The following TKTL1 variants were observed in gnomAD, a reference collection of about 807,000 sequenced individuals.
The protein encoded by TKTL1 is transketolase like 1, also known as transketolase-like protein 1.
In TKTL1, 1 loss-of-function variant was observed where a neutral mutation model predicts 39.3. The observed-to-expected ratio is 0.03, with a 90% CI of 0.01 to 0.12. The LOEUF is 0.12. Ranked by LOEUF, TKTL1 falls within the 10% of genes least tolerant of loss-of-function variation. TKTL1 has a pLI of 1.00. For synonymous variants in TKTL1, 262 were observed against 193.8 expected, an observed-to-expected ratio of 1.35 and a Z score of -2.92; for missense variants, 575 against 509.6, an observed-to-expected ratio of 1.13 and a Z score of -1.24.
chrX:154,306,304 A>C (rs1235085242), intron 2 of TKTL1, among the ~76,000 whole-genome samples: 2 of 111,895 alleles, frequency 1.8e-5, no homozygotes, highest in Non-Finnish European at 3.8e-5. Flanking sequence ...GCAAGACTCC[A>C]TCTCAAAAGA....
intron 1 of TKTL1, among the ~76,000 whole-genome samples, chrX:154,297,372 C>T (rs1557164858): frequency 9.0e-6 from 1 of 110,661 alleles, no homozygotes; most frequent in Non-Finnish European, 1.9e-5. Context: ...TCTCCTGCCT[C>T]AGCCTCCGGA....
At position 154,315,311 on chromosome X, in the gene TKTL1, G is replaced by A. The variant is rs782353315; in HGVS notation, c.1003G>A (p.Glu335Lys). Residue 335 changes from glutamate (E) to lysine (K), a missense_variant, in exon 7 of 13, where the codon GAG becomes AAG. Physicochemically the swap from Glu to Lys is moderately conservative, Grantham distance 56. Coordinates refer to ENST00000369915, the MANE Select transcript of TKTL1 (RefSeq NM_012253.4). ...CAAGGAGTACCCTGAGCGCTTCATC[G>A]AGTGCTTTATGGCTGAACAAAACAT... ...FNKEYPERFI[E>K]CFMAEQNMVS... 2.5e-5 allele frequency: 30 copies of A among 1,209,064 alleles called. No individual in the cohort carries two copies. The highest frequency in any genetic ancestry group is 5.3e-5 in the South Asian group (3 of 56,726).
At chrX:154,321,834 C>T (rs2067453677) in intron 8 of TKTL1, among the ~76,000 whole-genome samples, 1 of 108,515 alleles carries the variant, frequency 9.2e-6, no homozygotes, top group Admixed American at 1.0e-4. Flanking sequence ...AGAGTCACGG[C>T]TGTCTGGGTG....
At chrX:154,323,626 T>C (rs2067470089) in intron 9 of TKTL1, among the ~76,000 whole-genome samples, 1 of 111,738 alleles carries the variant, frequency 8.9e-6, no homozygotes, top group Non-Finnish European at 1.9e-5. Context: ...AGAAGGTGTT[T>C]AACAAAGGGT....
intron 11 of TKTL1, 43 bp from the exon 12 acceptor site, chrX:154,327,796 T>C: frequency 8.3e-7 from 1 of 1,209,966 alleles, no homozygotes; most frequent in Non-Finnish European, 1.1e-6. Context: ...CATGTTATTC[T>C]GAGTCTCTTT....
chrX:154,323,065 C>A, intron 8 of TKTL1, 142 bp from the exon 9 acceptor site: 1 of 713,825 alleles, frequency 1.4e-6, no homozygotes, highest in Non-Finnish European at 2.1e-6. Context: ...GAGGATGCAG[C>A]GGGACCATTT....
rs1557168560 is a variant in TKTL1, at chrX:154,312,568, G to A, written c.671-12G>A. Reference sequence around the variant, plus strand: ...TTTATGGAATGGATGTCTTTTGTTTGTTTCATTACAGGTATTGAGGATGCA... The same window carrying A: ...TTTATGGAATGGATGTCTTTTGTTTATTTCATTACAGGTATTGAGGATGCA... On this transcript the variant is annotated splice_polypyrimidine_tract_variant and intron_variant, in intron 5 of 12. Coordinates refer to ENST00000369915, the MANE Select transcript of TKTL1 (RefSeq NM_012253.4). The A allele has an allele frequency of 8.3e-7, 1 of 1,198,890 alleles. No homozygotes were observed. Among genetic ancestry groups the A allele is most frequent in the Admixed American group, 2.2e-5 (1 of 44,465 alleles).
intron 1 of TKTL1, among the ~76,000 whole-genome samples, chrX:154,303,041 T>C (rs1449150066): frequency 9.0e-6 from 1 of 111,077 alleles, no homozygotes; most frequent in African/African-American, 3.3e-5. Flanking sequence ...CAACTCACCC[T>C]GGCAGGCTTA....
At chrX:154,297,851 A>T (rs1488097541) in intron 1 of TKTL1, among the ~76,000 whole-genome samples, 1 of 111,818 alleles carries the variant, frequency 8.9e-6, no homozygotes. Context: ...TTTGCAGTGA[A>T]CTAAGATTGT....
intron 7 of TKTL1, among the ~76,000 whole-genome samples, chrX:154,315,782 CACTT>C (rs1557169260): frequency 8.9e-6 from 1 of 112,335 alleles, no homozygotes; most frequent in Admixed American, 9.4e-5. Flanking sequence ...GCAAATGTTG[CACTT>C]ACTTCAATCA....
Position 154,330,137 on chromosome X carries a change from G to T in TKTL1, c.*449G>T, listed in dbSNP as rs782329603. The stretch of plus-strand genomic sequence containing the variant: ...AGTTTCCACAGCACGATAACACCAT[G>T]ACGCCTACTGCTGTTCCCACCTTGG... On this transcript the variant is annotated 3_prime_UTR_variant, in exon 13 of 13. Coordinates refer to ENST00000369915, the MANE Select transcript of TKTL1 (RefSeq NM_012253.4). 13 of 114,223 alleles carry T rather than the reference G, an allele frequency of 1.1e-4. No homozygotes were observed. Among genetic ancestry groups the T allele is most frequent in the African/African-American group, 4.2e-4 (13 of 30,931 alleles). The allele number at this position is 114,223 out of a possible 1,213,427, so 9.4% of individuals were successfully genotyped here.
intron 6 of TKTL1, 31 bp from the exon 7 acceptor site, chrX:154,315,142 A>C: frequency 8.4e-7 from 1 of 1,186,166 alleles, no homozygotes; most frequent in Non-Finnish European, 1.1e-6. Context: ...ATTTGAAGAA[A>C]CTCTACCACC....
chrX:154,308,166 T>C (rs2067329948), intron 2 of TKTL1, among the ~76,000 whole-genome samples: 1 of 111,181 alleles, frequency 9.0e-6, no homozygotes, highest in African/African-American at 3.3e-5. Context: ...CAAGTAAAAG[T>C]GGAGGAGGTA....
Position 154,327,656 on chromosome X carries a change from C to T in TKTL1, c.1467C>T (p.Ala489=). The stretch of plus-strand genomic sequence containing the variant: ...GAGCTGGAATTACTGTGTATGAAGC[C>T]TTAGCAGCTGCTGATGAGCTTTCGA... ...VIGAGITVYE[A]LAAADELSKQ... is the part of the protein sequence containing the mutation. Residue 489 remains alanine (A), a synonymous_variant, in exon 11 of 13, where the codon GCC becomes GCT. Transcript: ENST00000369915. The T allele has an allele frequency of 8.3e-7, 1 of 1,211,156 alleles. No individual in the cohort carries two copies.
chrX:154,300,371 C>G (rs1443105125), intron 1 of TKTL1, among the ~76,000 whole-genome samples: 2 of 112,061 alleles, frequency 1.8e-5, no homozygotes, highest in African/African-American at 3.2e-5. Flanking sequence ...GGCAGTATGG[C>G]CATTTTCACA....
At chrX:154,323,118 A>G in intron 8 of TKTL1, 89 bp from the exon 9 acceptor site, 1 of 1,116,835 alleles carries the variant, frequency 9.0e-7, no homozygotes, top group Non-Finnish European at 1.2e-6. Flanking sequence ...GGCAATAGGA[A>G]TAATTGCTTC....
rs781871825 is a variant in TKTL1 at position 154,305,085 on chromosome X, C to T, written c.135-219C>T. 8 of 1,137,655 alleles carry T rather than the reference C, an allele frequency of 7.0e-6. No homozygotes were observed. In the Middle Eastern group the frequency reaches 9.7e-4, roughly 139 times the overall value. The allele number at this position is 1,137,655 out of a possible 1,213,427, so 93.8% of individuals were successfully genotyped here. On this transcript the variant is annotated intron_variant, in intron 1 of 12. Transcript: ENST00000369915. ...CTTGCCCCGAGTCCACGGTGCTCTG[C>T]GGTTAGGAGCTGGCCTCACTGTGCA... is the stretch of plus-strand genomic sequence containing the variant.
intron 5 of TKTL1, among the ~76,000 whole-genome samples, chrX:154,311,845 G>C (rs2067360403): frequency 9.0e-6 from 1 of 111,183 alleles, no homozygotes; most frequent in Non-Finnish European, 1.9e-5. Context: ...TTACCAGTGT[G>C]CTCCTGGCAG....
chrX:154,322,738 C>G (rs932737728), intron 8 of TKTL1, among the ~76,000 whole-genome samples: 1 of 111,233 alleles, frequency 9.0e-6, no homozygotes, highest in Non-Finnish European at 1.9e-5. Context: ...GCACCCTCAG[C>G]ATGCTTTGAA....
Sources: gnomAD v4.1 joint callset for allele counts (sites outside exome capture counted in the v4.1 genomes callset) on GRCh38, gnomAD v4.1.1 for gene constraint, MANE v1.5 for transcripts, NCBI Gene and HGNC (gene_info 2026-07-23, HGNC 2026-07-21) for gene names.